The following HSD17B12 variants were observed in gnomAD, a reference collection of about 807,000 sequenced individuals.
HSD17B12 encodes the protein very-long-chain 3-oxoacyl-CoA reductase.
Under a neutral mutation model 39.3 loss-of-function variants are expected in HSD17B12, and 32 were observed. The observed-to-expected ratio is 0.81, with a 90% CI of 0.61 to 1.09. HSD17B12 has a LOEUF of 1.09. Among genes scored for constraint, HSD17B12 ranks in the 50% least tolerant of loss-of-function variants. The pLI is 0.00. For synonymous variants in HSD17B12, 150 were observed against 146.7 expected (o/e 1.02, Z -0.16); for missense variants, 342 against 382.9 (o/e 0.89, Z 0.89).
the HSD17B12 span, among the ~76,000 whole-genome samples, chr11:43,605,561 C>CAAA: frequency 1.1e-4 from 8 of 74,598 alleles, no homozygotes; most frequent in South Asian, 1.5e-3. Context: ...AACTCCATCT[C>CAAA]AAAAAAAAAA....
At chr11:43,603,861 T>G in the HSD17B12 span, among the ~76,000 whole-genome samples, 1 of 152,304 alleles carries the variant, frequency 6.6e-6, no homozygotes, top group African/African-American at 2.4e-5. Context: ...TATTCTTAGC[T>G]CAGTGGTAGA....
At chr11:43,804,535 A>G (rs1000669974) in intron 4 of HSD17B12, among the ~76,000 whole-genome samples, 1 of 152,214 alleles carries the variant, frequency 6.6e-6, no homozygotes, top group African/African-American at 2.4e-5. Flanking sequence ...TGTGCCCTTT[A>G]TAAGTGAACA....
chr11:43,757,183 A>G (rs576320518), intron 3 of HSD17B12, among the ~76,000 whole-genome samples: 4 of 152,320 alleles, frequency 2.6e-5, no homozygotes, highest in Admixed American at 6.5e-5. Context: ...AATATTGTCA[A>G]AGACAGACTA....
At chr11:43,716,449 T>C (rs568562040) in intron 1 of HSD17B12, among the ~76,000 whole-genome samples, 1 of 152,276 alleles carries the variant, frequency 6.6e-6, no homozygotes, top group South Asian at 2.1e-4. Context: ...AGTAATACTT[T>C]ATAATTTGCC....
chr11:43,670,545 T>G, the HSD17B12 span: 1 of 152,232 alleles, frequency 6.6e-6, no homozygotes, highest in South Asian at 2.1e-4. Flanking sequence ...ATGCTTTATA[T>G]AACTAACATA....
intron 1 of HSD17B12, among the ~76,000 whole-genome samples, chr11:43,738,056 CA>C (rs759642092): frequency 0.28 from 26,722 of 94,864 alleles, 2,169 homozygotes; most frequent in African/African-American, 0.37. Context: ...GACTCTGTCC[CA>C]AAAAAAAAAA....
intron 3 of HSD17B12, among the ~76,000 whole-genome samples, chr11:43,768,217 A>G (rs1950614394): frequency 6.6e-6 from 1 of 152,256 alleles, no homozygotes; most frequent in South Asian, 2.1e-4. Context: ...TGTCAGAATT[A>G]CATCACATCA....
chr11:43,811,896 G>C (rs1951076833), intron 4 of HSD17B12, among the ~76,000 whole-genome samples: 1 of 151,860 alleles, frequency 6.6e-6, no homozygotes, highest in African/African-American at 2.4e-5. Context: ...CCCACCTTCT[G>C]GTATCTATTA....
At chr11:43,678,395 CT>C (rs1488617690), upstream of HSD17B12, among the ~76,000 whole-genome samples, 1 of 152,160 alleles carries the variant, frequency 6.6e-6, no homozygotes, top group Admixed American at 6.5e-5. Flanking sequence ...CCTGTTCACT[CT>C]GATGGTAGTT....
At chr11:43,849,372 T>C (rs1169690306) in intron 9 of HSD17B12, among the ~76,000 whole-genome samples, 1 of 152,238 alleles carries the variant, frequency 6.6e-6, no homozygotes, top group African/African-American at 2.4e-5. Context: ...CCTTGGCTTC[T>C]CATCTCTTTC....
intron 3 of HSD17B12, among the ~76,000 whole-genome samples, chr11:43,794,499 TAGATGTAGC>T (rs1403491586): frequency 6.6e-6 from 1 of 152,226 alleles, no homozygotes; most frequent in Non-Finnish European, 1.5e-5. Flanking sequence ...AAACCCATTT[TAGATGTAGC>T]ATAACTAAAA....
the HSD17B12 span, among the ~76,000 whole-genome samples, chr11:43,665,742 T>C: frequency 3.9e-5 from 6 of 152,146 alleles, no homozygotes; most frequent in South Asian, 2.1e-4. Context: ...ATTCCTGATA[T>C]GCTTTGCTCT....
chr11:43,756,110 C>A (rs1950505652), intron 3 of HSD17B12, among the ~76,000 whole-genome samples: 1 of 152,136 alleles, frequency 6.6e-6, no homozygotes, highest in Non-Finnish European at 1.5e-5. Flanking sequence ...CCTCTCATAA[C>A]ACATGGGAAT....
chr11:43,830,922 T>C, intron 6 of HSD17B12, 54 bp from the exon 7 acceptor site: 2 of 1,490,484 alleles, frequency 1.3e-6, no homozygotes. Flanking sequence ...CTTCACTCTT[T>C]TTCTGTTGCC....
chr11:43,690,396 A>ATTTT (rs1565049786), intron 1 of HSD17B12, among the ~76,000 whole-genome samples: 1 of 27,410 alleles, frequency 3.6e-5, no homozygotes, highest in Non-Finnish European at 5.7e-5. Flanking sequence ...ATATATATAT[A>ATTTT]TATATATATT....
At chr11:43,660,157 A>G in the HSD17B12 span, among the ~76,000 whole-genome samples, 7 of 152,244 alleles carry the variant, frequency 4.6e-5, no homozygotes, top group African/African-American at 1.7e-4. Context: ...TCTCCCAAGG[A>G]GTTCCCATAC....
rs151205751 is a variant in HSD17B12, at chr11:43,692,456, A to T, written c.160+11469A>T. The stretch of plus-strand genomic sequence containing the variant: ...CTTGAATAGTATTGGTAACAGGCTA[A>T]CCTTTCTTCATCTGTGGTATCAGGA... On this transcript the variant is annotated intron_variant, in intron 1 of 10. Transcript: ENST00000278353. 3.6e-3 allele frequency among the ~76,000 whole-genome samples: 543 copies of T among 152,294 alleles called. 3 individuals carry two copies. Among genetic ancestry groups the T allele is most frequent in the East Asian group, 0.034 (178 of 5,192 alleles).
intron 3 of HSD17B12, among the ~76,000 whole-genome samples, chr11:43,769,004 CAG>C (rs1950625052): frequency 2.0e-5 from 3 of 152,344 alleles, no homozygotes; most frequent in African/African-American, 7.2e-5. Context: ...CCACCAGACT[CAG>C]AAGCTCAGCT....
the HSD17B12 span, among the ~76,000 whole-genome samples, chr11:43,594,939 G>A: frequency 1.3e-5 from 2 of 152,020 alleles, no homozygotes; most frequent in East Asian, 3.9e-4. Context: ...TCCCTGTGTA[G>A]TCAGAGCCTT....
Sources: allele counts gnomAD v4.1 joint callset (sites outside exome capture counted in the v4.1 genomes callset), GRCh38; gene constraint gnomAD v4.1.1; transcripts MANE v1.5; gene names NCBI Gene and HGNC (gene_info 2026-07-23, HGNC 2026-07-21).